Variants in MTCH1 observed in about 807,000 individuals in gnomAD.
MTCH1 encodes the protein mitochondrial carrier homolog 1.
In MTCH1, 23 loss-of-function variants were observed where a neutral mutation model predicts 49.3. The ratio of observed to expected loss-of-function variants is 0.47; its 90% CI spans 0.34 to 0.66. The LOEUF (loss-of-function observed/expected upper bound fraction) is 0.66. MTCH1 is among the 30% of genes least tolerant of loss of function. MTCH1 has a pLI of 0.01. For missense variants in MTCH1, 397 were observed against 532.1 expected (o/e 0.75, Z 2.50); for synonymous variants, 229 against 215.2 (o/e 1.06, Z -0.56).
chr6:36,980,356 C>G (rs975298436), intron 2 of MTCH1, among the ~76,000 whole-genome samples: 16 of 152,206 alleles, frequency 1.1e-4, no homozygotes, highest in African/African-American at 3.9e-4. Flanking sequence ...GCACGTGCAA[C>G]CAGATCCAGA....
Position 36,972,505 on chromosome 6 carries a change from C to A in MTCH1, c.906+147G>T. ...TCTCGCCTCTTGAGGCCGTTCTCCC[C>A]TTAGACAAAGATGACTCCAGGGATA... On this transcript the variant is annotated intron_variant, in intron 8 of 11. Coordinates refer to ENST00000373627, the MANE Select transcript of MTCH1 (RefSeq NM_001271641.2). The surrounding 1 kb of genome is among the most constrained non-coding windows in gnomAD (Gnocchi z 4.1). 1 of 993,856 alleles carries A rather than the reference C, an allele frequency of 1.0e-6. No individual in the cohort carries two copies. Among genetic ancestry groups the A allele is most frequent in the Non-Finnish European group, 1.4e-6 (1 of 710,890 alleles). The allele number at this position is 993,856 out of a possible 1,614,324, so 61.6% of individuals were successfully genotyped here. A position where few individuals can be genotyped will look rare whatever the true frequency, so the allele number is the denominator to read the frequency against.
rs1764146917 is a variant in MTCH1 at position 36,982,744 on chromosome 6, A to G, written c.322-1072T>C. On this transcript the variant is annotated intron_variant, in intron 1 of 11. Coordinates refer to ENST00000373627, the MANE Select transcript of MTCH1 (RefSeq NM_001271641.2). The surrounding 1 kb of genome is among the most constrained non-coding windows in gnomAD (Gnocchi z 4.1). ...AAGGACCATCCATATCCATGTGAGG[A>G]GCAGGAAGTCTCTGTCGAGGGGTGA... Among the ~76,000 whole-genome samples the G allele has an allele frequency of 1.3e-5, 2 of 152,202 alleles. No individual in the cohort carries two copies. The highest frequency in any genetic ancestry group is 2.9e-5 in the Non-Finnish European group (2 of 68,032).
rs1469622839 is a variant in MTCH1, at chr6:36,972,084, C to G, written c.906+568G>C. The stretch of plus-strand genomic sequence containing the variant: ...ACACTTCCTAGCAGATCTGAAAAAA[C>G]TCAGAGGAATGCACCCTTGGCCTGG... On this transcript the variant is annotated intron_variant, in intron 8 of 11. Coordinates refer to ENST00000373627, the MANE Select transcript of MTCH1 (RefSeq NM_001271641.2). This position sits in a 1 kb window ranked among gnomAD's most constrained non-coding sequence, Gnocchi z 4.1. Among the ~76,000 whole-genome samples, 1 of 152,162 alleles carries G rather than the reference C, an allele frequency of 6.6e-6. No individual in the cohort carries two copies. Among genetic ancestry groups the G allele is most frequent in the Admixed American group, 6.5e-5 (1 of 15,280 alleles).
At chr6:36,978,659 AC>A in intron 2 of MTCH1, 48 bp from the exon 3 acceptor site, 1 of 1,553,868 alleles carries the variant, frequency 6.4e-7, no homozygotes. Flanking sequence ...GTTCAGGGGC[AC>A]CCACTCCTGG....
rs1583255907 is a variant in MTCH1 at position 36,975,776 on chromosome 6, C to T, written c.702-59G>A. 13 of 1,538,490 alleles carry T rather than the reference C, an allele frequency of 8.4e-6. No homozygotes were observed. In the East Asian group the frequency reaches 2.5e-4, roughly 29 times the overall value. On this transcript the variant is annotated intron_variant, in intron 6 of 11. Coordinates refer to ENST00000373627, the MANE Select transcript of MTCH1 (RefSeq NM_001271641.2). ...TGCAGTCACCTACCAGAAGCCCACC[C>T]GTTGGTGTGGGGCTGAGCCCACCAG...
chr6:36,976,865 C>T (rs1409736563), intron 6 of MTCH1, among the ~76,000 whole-genome samples: 1 of 152,198 alleles, frequency 6.6e-6, no homozygotes, highest in African/African-American at 2.4e-5. Flanking sequence ...TAGAGCATTA[C>T]TTCGGGAGTC....
chr6:36,978,473 G>C, intron 3 of MTCH1, 32 bp downstream of exon 3: 2 of 1,603,796 alleles, frequency 1.2e-6, no homozygotes, highest in Non-Finnish European at 1.7e-6. Context: ...AGGAAACCTC[G>C]GGCGACTGTT....
upstream of MTCH1, chr6:36,986,278 T>C: frequency 9.1e-7 from 1 of 1,103,210 alleles, no homozygotes; most frequent in African/African-American, 1.7e-5. Flanking sequence ...GCGGGGGAGC[T>C]CGGGAGCGTG....
intron 7 of MTCH1, among the ~76,000 whole-genome samples, chr6:36,974,347 C>A: frequency 6.6e-6 from 1 of 152,138 alleles, no homozygotes; most frequent in East Asian, 1.9e-4. Context: ...ACTACAGGTG[C>A]ATGCCGCCAC....
chr6:36,985,728 AACCCGCCGTCC>A, intron 1 of MTCH1, 114 bp downstream of exon 1: 1 of 389,642 alleles, frequency 2.6e-6, no homozygotes, highest in Non-Finnish European at 4.8e-6. Context: ...CGGCCCCCCA[AACCCGCCGTCC>A]CCACCCCTCT....
Position 36,978,631 on chromosome 6 carries a change from G to C in MTCH1, c.407-20C>G, listed in dbSNP as rs777427854. The C allele has an allele frequency of 6.2e-7, 1 of 1,610,256 alleles. No homozygotes were observed. Among genetic ancestry groups the C allele is most frequent in the Non-Finnish European group, 8.5e-7 (1 of 1,177,152 alleles). On this transcript the variant is annotated intron_variant, in intron 2 of 11. Transcript: ENST00000373627. ...ACTTGGCTGTAAGAAAACAGAGGTG[G>C]CAGAGGAGTCACACCCAGTTCAGGG...
chr6:36,977,679 T>C lies in MTCH1; in HGVS notation c.604A>G (p.Met202Val). ...KKVVKETSYE[M>V]MMQCVSRMLA... ...ATGCGGGACACACACTGCATCATCATCTCGTAGGAGGTCTGGAAGAGAGCA... is the reference window on the plus strand; with the variant it reads ...ATGCGGGACACACACTGCATCATCACCTCGTAGGAGGTCTGGAAGAGAGCA... The change falls in exon 5 of 12, where the codon ATG becomes GTG. Residue 202 changes from methionine (M) to valine (V), a missense_variant. Transcript: ENST00000373627. This position sits in a 1 kb window ranked among gnomAD's most constrained non-coding sequence, Gnocchi z 5.4. The C allele has an allele frequency of 6.2e-7, 1 of 1,609,480 alleles. No individual in the cohort carries two copies. The highest frequency in any genetic ancestry group is 8.5e-7 in the Non-Finnish European group (1 of 1,178,062).
At chr6:36,974,357 C>T (rs976816609) in intron 7 of MTCH1, among the ~76,000 whole-genome samples, 3 of 152,098 alleles carry the variant, frequency 2.0e-5, no homozygotes, top group African/African-American at 4.8e-5. Context: ...CATGCCGCCA[C>T]GGCCAACTAA....
rs145648761 is a variant in MTCH1, at chr6:36,968,676, C to A, written c.*227G>T. 12 of 668,314 alleles carry A rather than the reference C, an allele frequency of 1.8e-5. No individual in the cohort carries two copies. The highest frequency in any genetic ancestry group is 2.2e-5 in the Non-Finnish European group (8 of 365,750). The allele number at this position is 668,314 out of a possible 1,614,324, so 41.4% of individuals were successfully genotyped here. A position where few individuals can be genotyped will look rare whatever the true frequency, so the allele number is the denominator to read the frequency against. ...TGGGGATTCTGCCAACTCCCCACCT[C>A]GCCTCACCTTCCCTAGGTCTGCCGG... On this transcript the variant is annotated 3_prime_UTR_variant, in exon 12 of 12. Coordinates refer to ENST00000373627, the MANE Select transcript of MTCH1 (RefSeq NM_001271641.2).
chr6:36,970,854 G>C (rs1763658165), intron 8 of MTCH1, 160 bp from the exon 9 acceptor site: 6 of 826,900 alleles, frequency 7.3e-6, no homozygotes, highest in African/African-American at 1.7e-5. Flanking sequence ...AGAAGGCCTG[G>C]GGGGCAGAAA....
intron 7 of MTCH1, among the ~76,000 whole-genome samples, chr6:36,973,942 A>G (rs1489002511): frequency 6.6e-6 from 1 of 152,240 alleles, no homozygotes; most frequent in Non-Finnish European, 1.5e-5. Context: ...AAGAAAGCAC[A>G]TACTGAAAAG....
In MTCH1 at chr6:36,977,719, G is replaced by A. The variant is rs1226412276; in HGVS notation, c.592-28C>T. 11 of 1,574,734 alleles carry A rather than the reference G, an allele frequency of 7.0e-6. No homozygotes were observed. The highest frequency in any genetic ancestry group is 2.3e-5 in the East Asian group (1 of 43,254). On this transcript the variant is annotated intron_variant, in intron 4 of 11. Transcript: ENST00000373627. The surrounding 1 kb of genome is among the most constrained non-coding windows in gnomAD (Gnocchi z 5.4). ...GGAAGAGAGCATGGGGTGGGGACTCGCCACCCTCGGCCTGTCTCTGGAACT... is the reference window on the plus strand; with the variant it reads ...GGAAGAGAGCATGGGGTGGGGACTCACCACCCTCGGCCTGTCTCTGGAACT...
At position 36,986,026 on chromosome 6, in the gene MTCH1, G is replaced by T. The variant is rs1351297416; in HGVS notation, c.148C>A (p.His50Asn). Residue 50 changes from histidine (H) to asparagine (N), a missense_variant, in exon 1 of 12, where the codon CAT becomes AAT. Transcript: ENST00000373627. ...ARDPPPAHRAHPRHPRPAAQP... is the reference protein window; with the variant it reads ...ARDPPPAHRANPRHPRPAAQP... ...GCCGCAGGCCGAGGGTGGCGAGGATGTGCGCGGTGCGCGGGCGGTGGATCG... is the reference window on the plus strand; with the variant it reads ...GCCGCAGGCCGAGGGTGGCGAGGATTTGCGCGGTGCGCGGGCGGTGGATCG... The T allele has an allele frequency of 6.6e-7, 1 of 1,512,716 alleles. No homozygotes were observed. The allele number at this position is 1,512,716 out of a possible 1,614,324, so 93.7% of individuals were successfully genotyped here.
chr6:36,980,188 A>G (rs535879829), intron 2 of MTCH1, among the ~76,000 whole-genome samples: 74 of 152,338 alleles, frequency 4.9e-4, no homozygotes, highest in African/African-American at 1.7e-3. Context: ...AGCTACATTT[A>G]TATAAACCAG....
Sources: allele counts gnomAD v4.1 joint callset (sites outside exome capture counted in the v4.1 genomes callset), GRCh38; gene constraint gnomAD v4.1.1; non-coding constraint Gnocchi (gnomAD v3.1); transcripts MANE v1.5; gene names NCBI Gene and HGNC (gene_info 2026-07-23, HGNC 2026-07-21).